Variants in PDE3A observed in about 807,000 individuals in gnomAD.
PDE3A encodes cGMP-inhibited 3',5'-cyclic phosphodiesterase 3A.
PDE3A carries 43 observed loss-of-function variants against 98.3 expected under a neutral mutation model. That is an observed-to-expected ratio of 0.44 (90% CI 0.34 to 0.56). The LOEUF is 0.56. Among genes scored for constraint, PDE3A ranks in the 20% least tolerant of loss-of-function variants. The pLI is 0.01. For missense variants in PDE3A, 1,427 were observed against 1,440.7 expected (o/e 0.99, Z 0.15); for synonymous variants, 663 against 567.9 (o/e 1.17, Z -2.38).
chr12:20,579,398 CT>C (rs71039956), intron 2 of PDE3A, among the ~76,000 whole-genome samples: 115,942 of 151,010 alleles, frequency 0.77, 44,726 homozygotes, highest in South Asian at 0.82. Context: ...TTTCTGTTCC[CT>C]TTTTTTTTTA....
chr12:20,420,375 C>T (rs911894519), intron 1 of PDE3A, among the ~76,000 whole-genome samples: 11 of 152,082 alleles, frequency 7.2e-5, no homozygotes, highest in African/African-American at 2.2e-4. Context: ...TGCTTACCTC[C>T]GAGTTTTATG....
chr12:20,570,998 T>G (rs1942791189), intron 2 of PDE3A, among the ~76,000 whole-genome samples: 1 of 152,196 alleles, frequency 6.6e-6, no homozygotes, highest in Non-Finnish European at 1.5e-5. Context: ...GTCTTCCTTT[T>G]AAGAAGTTTC....
At chr12:20,468,978 A>C (rs1591963840) in intron 1 of PDE3A, among the ~76,000 whole-genome samples, 1 of 152,206 alleles carries the variant, frequency 6.6e-6, no homozygotes, top group African/African-American at 2.4e-5. Context: ...TAATTATCTG[A>C]GCCCTCACAA....
chr12:20,473,221 T>C (rs1024987721), intron 1 of PDE3A, among the ~76,000 whole-genome samples: 6 of 152,166 alleles, frequency 3.9e-5, no homozygotes, highest in Non-Finnish European at 7.4e-5. Context: ...TGGTGCATAT[T>C]AGCCTCAAAT....
In PDE3A at chr12:20,648,767, A is replaced by C. The variant is rs1944837685; in HGVS notation, c.2645A>C (p.Glu882Ala). The C allele has an allele frequency of 6.2e-7, 1 of 1,612,974 alleles. No individual in the cohort carries two copies. Among genetic ancestry groups the C allele is most frequent in the East Asian group, 2.2e-5 (1 of 44,862 alleles). The change falls in exon 13 of 16, where the codon GAG (glutamate) becomes GCG (alanine). Residue 882 changes from glutamate (E) to alanine (A), a missense_variant. Glu to Ala is a moderately radical substitution (Grantham distance 107). Around this residue, in one of 3 missense-constraint regions of PDE3A, gnomAD observed 273 missense variants for 420.3 expected, o/e 0.65. Coordinates refer to ENST00000359062, the MANE Select transcript of PDE3A (RefSeq NM_000921.5). ...TGGAATCTTTTCATGTCCCGGCCAGAGTATAACTTCTTAATTAACCTTGAC... is the reference window on the plus strand; with the variant it reads ...TGGAATCTTTTCATGTCCCGGCCAGCGTATAACTTCTTAATTAACCTTGAC... ...AAWNLFMSRP[E>A]YNFLINLDHV...
intron 14 of PDE3A, among the ~76,000 whole-genome samples, chr12:20,652,941 G>A (rs553737580): frequency 1.3e-5 from 2 of 152,242 alleles, no homozygotes; most frequent in South Asian, 4.1e-4. Context: ...ATGAAATCAT[G>A]TATTGCCTTT....
At chr12:20,466,641 T>A (rs933581631) in intron 1 of PDE3A, among the ~76,000 whole-genome samples, 16 of 152,212 alleles carry the variant, frequency 1.1e-4, no homozygotes, top group Non-Finnish European at 2.1e-4. Context: ...CAATTTTGTC[T>A]CTGTGTGTTT....
chr12:20,601,785 GA>G (rs1223085530), intron 2 of PDE3A, among the ~76,000 whole-genome samples: 2 of 148,354 alleles, frequency 1.3e-5, no homozygotes, highest in African/African-American at 5.0e-5. Flanking sequence ...TGTTTTCTGT[GA>G]AAAAAAACTA....
At chr12:20,675,375 G>C (rs754431866) in intron 15 of PDE3A, among the ~76,000 whole-genome samples, 3 of 152,144 alleles carry the variant, frequency 2.0e-5, no homozygotes, top group Non-Finnish European at 2.9e-5. Flanking sequence ...CTGACAATGA[G>C]TACTCTGCAG....
chr12:20,383,791 G>A (rs1490567569), intron 1 of PDE3A, among the ~76,000 whole-genome samples: 1 of 151,948 alleles, frequency 6.6e-6, no homozygotes, highest in Admixed American at 6.6e-5. Flanking sequence ...GATCACATAG[G>A]CCATGAGGGG....
intron 15 of PDE3A, among the ~76,000 whole-genome samples, chr12:20,673,994 C>T (rs1336197384): frequency 1.3e-5 from 2 of 151,992 alleles, no homozygotes; most frequent in Non-Finnish European, 2.9e-5. Flanking sequence ...TTGTCTTCAA[C>T]GTGTTTCATC....
intron 1 of PDE3A, among the ~76,000 whole-genome samples, chr12:20,521,859 C>A (rs976640181): frequency 1.3e-5 from 2 of 152,056 alleles, no homozygotes; most frequent in East Asian, 1.9e-4. Context: ...ACCAACTTAC[C>A]TACAGAAATG....
chr12:20,542,714 A>G (rs912283071), intron 1 of PDE3A, among the ~76,000 whole-genome samples: 4 of 152,094 alleles, frequency 2.6e-5, no homozygotes, highest in South Asian at 2.1e-4. Flanking sequence ...AGCTGAGGCT[A>G]TGTCTGGATT....
chr12:20,580,006 G>C (rs556820396), intron 2 of PDE3A, among the ~76,000 whole-genome samples: 1 of 152,212 alleles, frequency 6.6e-6, no homozygotes, highest in South Asian at 2.1e-4. Context: ...CCTAGTATTT[G>C]GGATGTACAA....
chr12:20,385,989 A>C (rs1373416963), intron 1 of PDE3A, among the ~76,000 whole-genome samples: 3 of 107,824 alleles, frequency 2.8e-5, no homozygotes, highest in Middle Eastern at 3.8e-3. Context: ...TATATAATAT[A>C]TATAAAATAT....
At chr12:20,500,784 T>A (rs1349715187) in intron 1 of PDE3A, among the ~76,000 whole-genome samples, 1 of 151,026 alleles carries the variant, frequency 6.6e-6, no homozygotes, top group Non-Finnish European at 1.5e-5. Context: ...TTTTTTTTTT[T>A]TGAGACAAGG....
chr12:20,630,268 T>C, intron 6 of PDE3A, 141 bp downstream of exon 6: 1 of 631,128 alleles, frequency 1.6e-6, no homozygotes, highest in Non-Finnish European at 2.8e-6. Flanking sequence ...GTGATTTGTG[T>C]TGAATAGGCT....
At chr12:20,411,528 T>C (rs75518165) in intron 1 of PDE3A, among the ~76,000 whole-genome samples, 3 of 147,278 alleles carry the variant, frequency 2.0e-5, no homozygotes, top group Non-Finnish European at 3.0e-5. Flanking sequence ...CTTTTTTTTT[T>C]CCTATCTTTA....
intron 1 of PDE3A, among the ~76,000 whole-genome samples, chr12:20,408,369 T>G (rs2120695620): frequency 6.6e-6 from 1 of 152,338 alleles, no homozygotes; most frequent in South Asian, 2.1e-4. Context: ...TCTGCATACC[T>G]TAAATAAAAG....
Sources: gnomAD v4.1 joint callset for allele counts (sites outside exome capture counted in the v4.1 genomes callset) on GRCh38, gnomAD v4.1.1 for gene constraint, gnomAD v4.1.1 regional missense constraint, MANE v1.5 for transcripts, NCBI Gene and HGNC (gene_info 2026-07-23, HGNC 2026-07-21) for gene names.